The following DCLK3 variants were observed in gnomAD, a reference collection of about 807,000 sequenced individuals.
The protein encoded by DCLK3 is serine/threonine-protein kinase DCLK3.
A neutral mutation model predicts 46.4 loss-of-function variants in DCLK3; 30 were observed. That is an observed-to-expected ratio of 0.65 (90% CI 0.48 to 0.88). The LOEUF (loss-of-function observed/expected upper bound fraction) is 0.88. DCLK3 is among the 40% of genes least tolerant of loss of function. The pLI is 0.00. For synonymous variants in DCLK3, 401 were observed against 339.2 expected (o/e 1.18, Z -2.00); for missense variants, 846 against 907.1 (o/e 0.93, Z 0.87).
chr3:36,737,803 T>C lies in DCLK3; in HGVS notation c.1364A>G (p.Lys455Arg), dbSNP rs1701285479. Residue 455 changes from lysine (K) to arginine (R), a missense_variant, in exon 2 of 5, where the codon AAG becomes AGG. Physicochemically the swap from Lys to Arg is conservative, Grantham distance 26 (BLOSUM62 2). Around this residue, in one of 3 missense-constraint regions of DCLK3, gnomAD observed 553 missense variants for 543.0 expected, o/e 1.02. Coordinates refer to ENST00000636136, the MANE Select transcript of DCLK3 (RefSeq NM_001394672.2). This position sits in a 1 kb window ranked among gnomAD's most constrained non-coding sequence, Gnocchi z 4.4. Reference sequence around the variant, plus strand: ...CTCTTCTCCTCGGGTCCTGCGGAGCTTCTCAAAGCCCGCCTGGTGCTCTCT... The same window carrying C: ...CTCTTCTCCTCGGGTCCTGCGGAGCCTCTCAAAGCCCGCCTGGTGCTCTCT... ...LLREHQAGFE[K>R]LRRTRGEEKE... is the part of the protein sequence containing the mutation. The C allele has an allele frequency of 6.2e-7, 1 of 1,614,030 alleles. No homozygotes were observed. Among genetic ancestry groups the C allele is most frequent in the Admixed American group, 1.7e-5 (1 of 60,010 alleles).
rs1226432277 is a variant in DCLK3, at chr3:36,737,676, C to T, written c.1491G>A (p.Arg497=). The change falls in exon 2 of 5, where the codon AGG becomes AGA. Residue 497 remains arginine, a synonymous_variant. Transcript: ENST00000636136. This position sits in a 1 kb window ranked among gnomAD's most constrained non-coding sequence, Gnocchi z 4.4. Reference sequence around the variant, plus strand: ...GCCGCTCTGGCTTGTTCTCTTCTGGCCTCGTCTTGGGCTCCTTTTCTAGCT... The same window carrying T: ...GCCGCTCTGGCTTGTTCTCTTCTGGTCTCGTCTTGGGCTCCTTTTCTAGCT... The part of the protein sequence containing the change: ...PAKLEKEPKT[R]PEENKPERPS... 2.5e-6 allele frequency: 4 copies of T among 1,613,484 alleles called. No homozygotes were observed. The highest frequency in any genetic ancestry group is 1.7e-5 in the Admixed American group (1 of 59,944).
At chr3:36,744,765 T>C (rs1422541864) in intron 1 of DCLK3, among the ~76,000 whole-genome samples, 1 of 152,200 alleles carries the variant, frequency 6.6e-6, no homozygotes, top group African/African-American at 2.4e-5. Context: ...GCAGGATGCA[T>C]TTGTCATTCA....
At chr3:36,762,672 G>A (rs759119029) in intron 1 of DCLK3, among the ~76,000 whole-genome samples, 28 of 152,264 alleles carry the variant, frequency 1.8e-4, no homozygotes, top group Admixed American at 7.8e-4. Flanking sequence ...CATAGGCTCT[G>A]CCGCCCAAGG....
At chr3:36,744,432 C>T (rs1040990858) in intron 1 of DCLK3, among the ~76,000 whole-genome samples, 2 of 152,218 alleles carry the variant, frequency 1.3e-5, no homozygotes, top group South Asian at 4.1e-4. Flanking sequence ...GACAGCAGTA[C>T]GTTGCTTCAG....
chr3:36,718,845 C>G (rs796066895), intron 3 of DCLK3, among the ~76,000 whole-genome samples: 26 of 152,242 alleles, frequency 1.7e-4, no homozygotes, highest in African/African-American at 6.0e-4. Context: ...CACACACGCG[C>G]ACACACCTAT....
chr3:36,731,451 GCACA>G (rs55823722), intron 2 of DCLK3, among the ~76,000 whole-genome samples: 24,213 of 147,834 alleles, frequency 0.16, 2,029 homozygotes, highest in Middle Eastern at 0.21. Context: ...CTTCGTGCGT[GCACA>G]CACACACACA....
intron 3 of DCLK3, among the ~76,000 whole-genome samples, chr3:36,719,089 A>AT (rs1160916259): frequency 1.3e-5 from 2 of 152,102 alleles, no homozygotes; most frequent in African/African-American, 2.4e-5. Context: ...GTTTTTACTA[A>AT]TTTTTTTACA....
chr3:36,733,939 G>A (rs888728393), intron 2 of DCLK3, among the ~76,000 whole-genome samples: 3 of 152,192 alleles, frequency 2.0e-5, no homozygotes, highest in Non-Finnish European at 2.9e-5. Context: ...AATCAGCCAT[G>A]TAATCAAAAG....
At chr3:36,732,542 A>G (rs1290118181) in intron 2 of DCLK3, among the ~76,000 whole-genome samples, 1 of 152,234 alleles carries the variant, frequency 6.6e-6, no homozygotes, top group African/African-American at 2.4e-5. Context: ...ACATAACAGC[A>G]TTCTCACTGA....
chr3:36,718,840 A>G (rs963215226), intron 3 of DCLK3, among the ~76,000 whole-genome samples: 22 of 152,086 alleles, frequency 1.4e-4, no homozygotes, highest in East Asian at 1.9e-4. Context: ...ACACACACAC[A>G]CGCGCACACA....
At chr3:36,730,853 T>C (rs1701190466) in intron 2 of DCLK3, among the ~76,000 whole-genome samples, 1 of 151,608 alleles carries the variant, frequency 6.6e-6, no homozygotes, top group South Asian at 2.1e-4. Context: ...GTGAGCCATA[T>C]TAAGATGTGA....
intron 2 of DCLK3, among the ~76,000 whole-genome samples, chr3:36,723,358 A>G (rs1461213494): frequency 1.3e-5 from 2 of 152,236 alleles, no homozygotes; most frequent in Non-Finnish European, 2.9e-5. Context: ...AATGCAATAG[A>G]AAAGAAAATC....
At position 36,738,552 on chromosome 3, in the gene DCLK3, A is replaced by C. The variant is rs781287870; in HGVS notation, c.615T>G (p.Ser205=). 2 of 1,498,266 alleles carry C rather than the reference A, an allele frequency of 1.3e-6. No individual in the cohort carries two copies. The highest frequency in any genetic ancestry group is 1.8e-6 in the Non-Finnish European group (2 of 1,123,396). 92.8% of individuals were successfully genotyped at this position (1,498,266 alleles called of 1,614,324 possible). A position where few individuals can be genotyped will look rare whatever the true frequency, so the allele number is the denominator to read the frequency against. ...LTLAQHSRAP[S]PRLRSRLFSK... ...TAAACAGCCTGCTCCTCAGCCTTGGAGAAGGGGCACGGCTGTGCTGGGCCA... is the reference window on the plus strand; with the variant it reads ...TAAACAGCCTGCTCCTCAGCCTTGGCGAAGGGGCACGGCTGTGCTGGGCCA... The change falls in exon 2 of 5, where the codon TCT becomes TCG. Residue 205 remains serine, a synonymous_variant. Transcript: ENST00000636136.
chr3:36,717,424 G>T (rs986084758), intron 4 of DCLK3, among the ~76,000 whole-genome samples: 6 of 152,100 alleles, frequency 3.9e-5, no homozygotes, highest in Non-Finnish European at 8.8e-5. Flanking sequence ...TTAAGCTAAA[G>T]ACTCAAAATC....
chr3:36,760,170 G>A (rs1475717132), intron 1 of DCLK3, among the ~76,000 whole-genome samples: 3 of 152,060 alleles, frequency 2.0e-5, no homozygotes, highest in East Asian at 3.9e-4. Flanking sequence ...CCAGCTCCAG[G>A]CCAGACCTGC....
intron 2 of DCLK3, among the ~76,000 whole-genome samples, chr3:36,733,099 G>C (rs1200196116): frequency 6.6e-6 from 1 of 152,140 alleles, no homozygotes; most frequent in African/African-American, 2.4e-5. Flanking sequence ...TTTCTTCCTA[G>C]AACCAGCAGG....
intron 1 of DCLK3, among the ~76,000 whole-genome samples, chr3:36,748,587 G>A (rs1165770880): frequency 1.3e-5 from 2 of 152,144 alleles, no homozygotes; most frequent in Non-Finnish European, 1.5e-5. Context: ...CAGTGCACAT[G>A]AGCACAGATA....
At position 36,715,451 on chromosome 3, in the gene DCLK3, A is replaced by C. The variant is rs1409486479; in HGVS notation, c.2331T>G (p.Leu777=). ...CAGCTGTTTCGATCCAGGGGTGCTG[A>C]AGAACCTGATGAGCTGTGTAGCGCT... is the stretch of plus-strand genomic sequence containing the variant. ...PKKRYTAHQV[L]QHPWIETAGK... The change falls in exon 5 of 5, where the codon CTT becomes CTG. Residue 777 remains leucine, a synonymous_variant. Coordinates refer to ENST00000636136, the MANE Select transcript of DCLK3 (RefSeq NM_001394672.2). 2 of 1,612,010 alleles carry C rather than the reference A, an allele frequency of 1.2e-6. No individual in the cohort carries two copies. The highest frequency in any genetic ancestry group is 2.7e-5 in the African/African-American group (2 of 74,964).
intron 4 of DCLK3, among the ~76,000 whole-genome samples, chr3:36,717,406 T>C (rs996848572): frequency 1.3e-5 from 2 of 152,158 alleles, no homozygotes; most frequent in African/African-American, 4.8e-5. Flanking sequence ...AGCCTCCTAT[T>C]CTACTTTTTA....
Sources: allele counts gnomAD v4.1 joint callset (sites outside exome capture counted in the v4.1 genomes callset), GRCh38; gene constraint gnomAD v4.1.1; regional missense constraint gnomAD v4.1.1; non-coding constraint Gnocchi (gnomAD v3.1); transcripts MANE v1.5; gene names NCBI Gene and HGNC (gene_info 2026-07-23, HGNC 2026-07-21).